EPB41L3: variants seen among roughly 807,000 people sequenced by gnomAD.
EPB41L3 encodes erythrocyte membrane protein band 4.1 like 3.
EPB41L3 carries 57 observed loss-of-function variants against 127.1 expected under a neutral mutation model. The observed-to-expected ratio is 0.45, with a 90% confidence interval of 0.36 to 0.56. EPB41L3 has a LOEUF of 0.56. Among genes scored for constraint, EPB41L3 ranks in the 20% least tolerant of loss-of-function variants. The pLI, the probability that EPB41L3 is intolerant of heterozygous loss-of-function variation, is 0.00. For missense variants in EPB41L3, 1,273 were observed against 1,372.2 expected, an observed-to-expected ratio of 0.93 and a Z score of 1.14; for synonymous variants, 572 against 549.5, an observed-to-expected ratio of 1.04 and a Z score of -0.57.
intron 1 of EPB41L3, among the ~76,000 whole-genome samples, chr18:5,528,146 G>A (rs78348485): frequency 0.023 from 3,555 of 152,166 alleles, 70 homozygotes; most frequent in East Asian, 0.093. Context: ...GAGAATGCAG[G>A]GGATTTAGCA....
At chr18:5,582,082 C>T (rs897222199) in intron 3 of EPB41L3, among the ~76,000 whole-genome samples, 1 of 152,214 alleles carries the variant, frequency 6.6e-6, no homozygotes, top group Non-Finnish European at 1.5e-5. Flanking sequence ...TGGGATGTTC[C>T]GTTTTACATC....
intron 3 of EPB41L3, among the ~76,000 whole-genome samples, chr18:5,597,930 C>A (rs981744092): frequency 6.6e-6 from 1 of 152,198 alleles, no homozygotes; most frequent in Non-Finnish European, 1.5e-5. Context: ...CCATGGGCAT[C>A]TCCACCACGT....
Position 5,393,325 on chromosome 18 carries a change from C to A in EPB41L3, c.*160G>T. 1 of 505,898 alleles carries A rather than the reference C, an allele frequency of 2.0e-6. No individual in the cohort carries two copies. Among genetic ancestry groups the A allele is most frequent in the Non-Finnish European group, 3.5e-6 (1 of 285,564 alleles). 31.3% of individuals were successfully genotyped at this position (505,898 alleles called of 1,614,324 possible). ...GCTTTATTATGGGAAGATCTCTCTG[C>A]CAGTGTCTTTATTAATGGTCAAGGT... On this transcript the variant is annotated 3_prime_UTR_variant, in exon 23 of 23. Transcript: ENST00000341928.
chr18:5,561,047 G>A lies in EPB41L3; in HGVS notation c.-306+51293C>T, dbSNP rs545710700. ...GGCTGGAGTGCAGTGGCGCGATCGC[G>A]GCTCACTGCAAGCTCCGCCTCCCAG... On this transcript the variant is annotated intron_variant, in intron 3 of 21. Transcript: ENST00000545076. Among the ~76,000 whole-genome samples the A allele has an allele frequency of 1.4e-4, 20 of 139,146 alleles. 1 individual carries two copies. Among genetic ancestry groups the A allele is most frequent in the South Asian group, 9.0e-4 (4 of 4,466 alleles). 91.3% of individuals were successfully genotyped at this position (139,146 alleles called of 152,430 possible).
chr18:5,588,421 C>T, intron 3 of EPB41L3, among the ~76,000 whole-genome samples: 1 of 151,838 alleles, frequency 6.6e-6, no homozygotes, highest in Non-Finnish European at 1.5e-5. Flanking sequence ...ACACAAACTA[C>T]ATATACTTAA....
rs2090295860 is a variant in EPB41L3, at chr18:5,489,197, G to A, written c.-11-3C>T. The A allele has an allele frequency of 1.9e-6, 3 of 1,587,440 alleles. No homozygotes were observed. The highest frequency in any genetic ancestry group is 2.8e-5 in the African/African-American group (2 of 71,754). On this transcript the variant is annotated splice_polypyrimidine_tract_variant and splice_region_variant and intron_variant, in intron 1 of 22. Transcript: ENST00000341928. Reference sequence around the variant, plus strand: ...TTCGGTCGTCATGGTTGATTGTTCTGCAAGCAGAAAAAAGGGAAGAGCAGG... The same window carrying A: ...TTCGGTCGTCATGGTTGATTGTTCTACAAGCAGAAAAAAGGGAAGAGCAGG...
At chr18:5,432,311 CCTGA>C (rs1381719060) in intron 8 of EPB41L3, among the ~76,000 whole-genome samples, 1 of 152,160 alleles carries the variant, frequency 6.6e-6, no homozygotes, top group Non-Finnish European at 1.5e-5. Flanking sequence ...AGGCCCTAAA[CCTGA>C]CTGTTTAAGA....
At chr18:5,448,426 T>C (rs186892598) in intron 3 of EPB41L3, among the ~76,000 whole-genome samples, 1 of 152,172 alleles carries the variant, frequency 6.6e-6, no homozygotes, top group Admixed American at 6.5e-5. Flanking sequence ...CTTATTGATA[T>C]CTGCATGTGC....
intron 22 of EPB41L3, 163 bp downstream of exon 22, chr18:5,394,514 G>A: frequency 1.7e-6 from 1 of 579,570 alleles, no homozygotes; most frequent in East Asian, 2.8e-5. Context: ...AGCTCCAAAT[G>A]TGAGACAAAC....
At chr18:5,480,445 T>C (rs759098181) in intron 2 of EPB41L3, among the ~76,000 whole-genome samples, 10 of 152,184 alleles carry the variant, frequency 6.6e-5, no homozygotes, top group Non-Finnish European at 1.5e-4. Flanking sequence ...CATTTGCATA[T>C]AAGGAGAGAG....
chr18:5,540,230 T>G (rs2093682303), intron 1 of EPB41L3: 1 of 509,080 alleles, frequency 2.0e-6, no homozygotes, highest in African/African-American at 2.1e-5. Context: ...TGCTTTCTAC[T>G]ATTTCACAAA....
intron 2 of EPB41L3, among the ~76,000 whole-genome samples, chr18:5,486,709 C>T (rs1284487591): frequency 6.6e-6 from 1 of 152,068 alleles, no homozygotes; most frequent in East Asian, 1.9e-4. Flanking sequence ...AAATGGCCAA[C>T]AGGTATATGA....
chr18:5,507,266 T>C (rs559006223), intron 1 of EPB41L3, among the ~76,000 whole-genome samples: 153 of 152,278 alleles, frequency 1.0e-3, no homozygotes, highest in Non-Finnish European at 1.8e-3. Context: ...TCAATCGATA[T>C]TTAAAACACG....
chr18:5,417,717 C>T (rs1049521482), intron 12 of EPB41L3, among the ~76,000 whole-genome samples: 3 of 152,182 alleles, frequency 2.0e-5, no homozygotes, highest in African/African-American at 4.8e-5. Context: ...CAAATAAAAT[C>T]GTAGCTCTTC....
intron 3 of EPB41L3, among the ~76,000 whole-genome samples, chr18:5,554,420 C>A (rs2094006141): frequency 6.6e-6 from 1 of 152,152 alleles, no homozygotes; most frequent in Admixed American, 6.5e-5. Context: ...GAAGAATTAG[C>A]TTGCCCAGGA....
At chr18:5,628,277 G>A (rs2094945181) in intron 1 of EPB41L3, among the ~76,000 whole-genome samples, 1 of 152,256 alleles carries the variant, frequency 6.6e-6, no homozygotes, top group African/African-American at 2.4e-5. Flanking sequence ...TTAGATTTGG[G>A]ATTTACCATC....
At chr18:5,501,357 A>AT (rs2091732302) in intron 1 of EPB41L3, among the ~76,000 whole-genome samples, 2 of 152,182 alleles carry the variant, frequency 1.3e-5, no homozygotes, top group Admixed American at 1.3e-4. Flanking sequence ...AAGTCTACAA[A>AT]TGATATCTTG....
At position 5,406,814 on chromosome 18, in the gene EPB41L3, T is replaced by C; in HGVS notation, c.2312A>G (p.Glu771Gly). Residue 771 changes from glutamate to glycine, a missense_variant, in exon 16 of 23, where the codon GAG becomes GGG. Coordinates refer to ENST00000341928, the MANE Select transcript of EPB41L3 (RefSeq NM_012307.5). ...AAGTGGTTCGATCATGGGGGCATCC[T>C]CCTGCCTGGCGGCCAGTCGCACGGG... ...TSPVRLAARQ[E>G]DAPMIEPLVP... The C allele has an allele frequency of 6.2e-7, 1 of 1,614,178 alleles. No individual in the cohort carries two copies. The highest frequency in any genetic ancestry group is 8.5e-7 in the Non-Finnish European group (1 of 1,180,014).
At chr18:5,455,159 T>C (rs2082846094) in intron 3 of EPB41L3, among the ~76,000 whole-genome samples, 1 of 152,226 alleles carries the variant, frequency 6.6e-6, no homozygotes, top group Non-Finnish European at 1.5e-5. Flanking sequence ...GTGATTATTA[T>C]TAGGCCTTTT....
Sources: allele counts gnomAD v4.1 joint callset (sites outside exome capture counted in the v4.1 genomes callset), GRCh38; gene constraint gnomAD v4.1.1; transcripts MANE v1.5; gene names NCBI Gene and HGNC (gene_info 2026-07-23, HGNC 2026-07-21).